Variants in EGLN1 observed in about 807,000 individuals in gnomAD.
EGLN1 encodes the protein egl nine homolog 1.
EGLN1 carries 17 observed loss-of-function variants against 38.3 expected under a neutral mutation model. The observed-to-expected ratio is 0.44, with a 90% CI of 0.30 to 0.67. The LOEUF is 0.67. Among genes scored for constraint, EGLN1 ranks in the 30% least tolerant of loss-of-function variants. The pLI is 0.08. For missense variants in EGLN1, 477 were observed against 603.3 expected (o/e 0.79, Z 2.19); for synonymous variants, 283 against 257.5 (o/e 1.10, Z -0.95).
intron 1 of EGLN1, among the ~76,000 whole-genome samples, chr1:231,386,006 T>C (rs1688195382): frequency 6.6e-6 from 1 of 152,070 alleles, no homozygotes; most frequent in South Asian, 2.1e-4. Flanking sequence ...AGAGACAGGG[T>C]CTTACTTACT....
chr1:231,402,011 G>A (rs1427154546), intron 1 of EGLN1, among the ~76,000 whole-genome samples: 1 of 152,134 alleles, frequency 6.6e-6, no homozygotes, highest in Non-Finnish European at 1.5e-5. Context: ...CCATTCTAGT[G>A]TATGTATAGT....
At chr1:231,390,918 G>T (rs1688349804) in intron 1 of EGLN1, among the ~76,000 whole-genome samples, 1 of 151,740 alleles carries the variant, frequency 6.6e-6, no homozygotes, top group Non-Finnish European at 1.5e-5. Context: ...CGTGATCATA[G>T]CTCACCGCAA....
At chr1:231,380,768 A>G (rs1342325619) in intron 1 of EGLN1, among the ~76,000 whole-genome samples, 1 of 152,174 alleles carries the variant, frequency 6.6e-6, no homozygotes, top group Non-Finnish European at 1.5e-5. Context: ...AAACAGCTCA[A>G]TTTGATAGGT....
chr1:231,421,690 G>C lies in EGLN1; in HGVS notation c.199C>G (p.His67Asp). ...GAATGCTGGTGTGGGCCCACTCCGT[G>C]GCCGAGGGCGCCCTCGCTGCCCTGG... is the stretch of plus-strand genomic sequence containing the variant. ...VCQGSEGALG[H>D]GVGPHQHSGP... The change falls in exon 1 of 5, where the codon CAC becomes GAC. Residue 67 changes from histidine to aspartate, a missense_variant. Physicochemically the swap from His to Asp is moderately conservative, Grantham distance 81 (BLOSUM62 -1). Transcript: ENST00000366641. The surrounding 1 kb of genome is among the most constrained non-coding windows in gnomAD (Gnocchi z 5.5). 6.6e-7 allele frequency: 1 copy of C among 1,510,190 alleles called. No homozygotes were observed. The highest frequency in any genetic ancestry group is 8.8e-7 in the Non-Finnish European group (1 of 1,135,192). The allele number at this position is 1,510,190 out of a possible 1,614,324, so 93.5% of individuals were successfully genotyped here.
intron 1 of EGLN1, among the ~76,000 whole-genome samples, chr1:231,377,238 T>C (rs889558465): frequency 6.6e-6 from 1 of 152,200 alleles, no homozygotes; most frequent in African/African-American, 2.4e-5. Context: ...TCATCCTCAT[T>C]CCTCTAAACT....
At chr1:231,419,855 A>T (rs545901049) in intron 1 of EGLN1, among the ~76,000 whole-genome samples, 1 of 152,306 alleles carries the variant, frequency 6.6e-6, no homozygotes, top group Admixed American at 6.5e-5. Flanking sequence ...AAAGTAGATG[A>T]TCTGACACAC....
At chr1:231,380,561 G>A (rs1688059785) in intron 1 of EGLN1, among the ~76,000 whole-genome samples, 2 of 151,948 alleles carry the variant, frequency 1.3e-5, no homozygotes, top group Non-Finnish European at 1.5e-5. Context: ...AATAGTTTTG[G>A]AGCTTAATCT....
intron 1 of EGLN1, among the ~76,000 whole-genome samples, chr1:231,412,457 C>T (rs1688978138): frequency 1.3e-5 from 2 of 152,134 alleles, no homozygotes; most frequent in South Asian, 4.1e-4. Context: ...TCTAATGTTC[C>T]CCTAAAGTTC....
intron 3 of EGLN1, among the ~76,000 whole-genome samples, chr1:231,369,149 T>G (rs1035005413): frequency 1.3e-5 from 2 of 152,110 alleles, no homozygotes; most frequent in Non-Finnish European, 2.9e-5. Context: ...ATGCCTTAAC[T>G]TGAACAACTA....
chr1:231,400,510 T>C (rs1376293787), intron 1 of EGLN1, among the ~76,000 whole-genome samples: 1 of 152,180 alleles, frequency 6.6e-6, no homozygotes, highest in African/African-American at 2.4e-5. Flanking sequence ...TTAAGGTTAA[T>C]ATGAACTTTA....
intron 1 of EGLN1, among the ~76,000 whole-genome samples, chr1:231,417,920 C>T (rs1689126822): frequency 6.6e-6 from 1 of 152,134 alleles, no homozygotes; most frequent in Non-Finnish European, 1.5e-5. Context: ...GATTCTTAGT[C>T]AGAAAACCTG....
chr1:231,405,340 C>T (rs530942958), intron 1 of EGLN1, among the ~76,000 whole-genome samples: 37 of 151,904 alleles, frequency 2.4e-4, no homozygotes, highest in Non-Finnish European at 3.8e-4. Flanking sequence ...CCACCATGCC[C>T]GGCTTTTTTT....
intron 1 of EGLN1, among the ~76,000 whole-genome samples, chr1:231,394,503 C>T (rs12747398): frequency 0.54 from 80,878 of 149,272 alleles, 23,568 homozygotes; most frequent in Non-Finnish European, 0.65. Flanking sequence ...CTCAGCCTCC[C>T]GAGTAGCTGG....
rs1656589659 is a variant in EGLN1 at position 231,421,376 on chromosome 1, A to G, written c.513T>C (p.Asp171=). 3 of 1,608,090 alleles carry G rather than the reference A, an allele frequency of 1.9e-6. No individual in the cohort carries two copies. In the African/African-American group the frequency reaches 4.0e-5, roughly 22 times the overall value. The change falls in exon 1 of 5, where the codon GAT becomes GAC. Residue 171 remains aspartate (D), a synonymous_variant. Transcript: ENST00000366641. The surrounding 1 kb of genome is among the most constrained non-coding windows in gnomAD (Gnocchi z 5.5). ...NLYPPSNTPG[D]ALSPGGGLRP... ...GCAGGCCGCCGCCGGGGCTCAGCGC[A>G]TCCCCGGGCGTGTTGCTTGGGGGGT...
In EGLN1 at chr1:231,421,730, C is replaced by A; in HGVS notation, c.159G>T (p.Lys53Asn). 1 of 1,536,088 alleles carries A rather than the reference C, an allele frequency of 6.5e-7. No homozygotes were observed. The highest frequency in any genetic ancestry group is 8.7e-7 in the Non-Finnish European group (1 of 1,149,304). Residue 53 changes from lysine to asparagine, a missense_variant, in exon 1 of 5, where the codon AAG becomes AAT. By Grantham distance (94) the Lys-to-Asn change is moderately conservative. Around this residue, in one of 4 missense-constraint regions of EGLN1, gnomAD observed 298 missense variants for 288.9 expected, o/e 1.03. Coordinates refer to ENST00000366641, the MANE Select transcript of EGLN1 (RefSeq NM_022051.3). The surrounding 1 kb of genome is among the most constrained non-coding windows in gnomAD (Gnocchi z 5.5). ...CGCTGCCCTGGCACACGAGCTTGTGCTTCTTCCAGTCCTGACGCTGGTGCT... is the reference window on the plus strand; with the variant it reads ...CGCTGCCCTGGCACACGAGCTTGTGATTCTTCCAGTCCTGACGCTGGTGCT... Reference protein sequence around the residue: ...CKEHQRQDWKKHKLVCQGSEG... With the variant: ...CKEHQRQDWKNHKLVCQGSEG...
chr1:231,379,242 C>G (rs1012667267), intron 1 of EGLN1, among the ~76,000 whole-genome samples: 2 of 152,166 alleles, frequency 1.3e-5, no homozygotes, highest in African/African-American at 4.8e-5. Flanking sequence ...GTAAGCGGCC[C>G]ACCACCTGCT....
chr1:231,397,440 C>T (rs1688557648), intron 1 of EGLN1, among the ~76,000 whole-genome samples: 1 of 152,234 alleles, frequency 6.6e-6, no homozygotes, highest in Non-Finnish European at 1.5e-5. Flanking sequence ...GATTGACAAA[C>T]TATAGCCTGC....
At chr1:231,419,694 T>A (rs1455358067) in intron 1 of EGLN1, among the ~76,000 whole-genome samples, 2 of 152,220 alleles carry the variant, frequency 1.3e-5, no homozygotes, top group Non-Finnish European at 2.9e-5. Flanking sequence ...TACAAGAAAT[T>A]AAGACTTGTG....
At chr1:231,404,049 C>T (rs186678700) in intron 1 of EGLN1, among the ~76,000 whole-genome samples, 1 of 151,930 alleles carries the variant, frequency 6.6e-6, no homozygotes, top group East Asian at 1.9e-4. Flanking sequence ...TATACAATGT[C>T]AACACTAAAA....
Sources: gnomAD v4.1 joint callset for allele counts (sites outside exome capture counted in the v4.1 genomes callset) on GRCh38, gnomAD v4.1.1 for gene constraint, gnomAD v4.1.1 regional missense constraint, Gnocchi (gnomAD v3.1) non-coding constraint, MANE v1.5 for transcripts, NCBI Gene and HGNC (gene_info 2026-07-23, HGNC 2026-07-21) for gene names.